DPP10: variants seen among roughly 807,000 people sequenced by gnomAD.
DPP10 encodes dipeptidyl peptidase like 10, also known as inactive dipeptidyl peptidase 10.
Under a neutral mutation model 120.9 loss-of-function variants are expected in DPP10, and 33 were observed. That is an observed-to-expected ratio of 0.27 (90% CI 0.21 to 0.37). The LOEUF (loss-of-function observed/expected upper bound fraction) is 0.37. Ranked by LOEUF, DPP10 falls within the 10% of genes least tolerant of loss-of-function variation. The pLI, the probability that DPP10 is intolerant of heterozygous loss-of-function variation, is 1.00. For missense variants in DPP10, 816 were observed against 942.8 expected (o/e 0.87, Z 1.76); for synonymous variants, 337 against 326.1 (o/e 1.03, Z -0.36).
intron 3 of DPP10, among the ~76,000 whole-genome samples, chr2:115,372,237 A>G (rs1203241378): frequency 6.6e-6 from 1 of 152,160 alleles, no homozygotes; most frequent in African/African-American, 2.4e-5. Flanking sequence ...AATACTTCAT[A>G]ATGAAGTAAG....
intron 1 of DPP10, among the ~76,000 whole-genome samples, chr2:114,537,325 A>AT (rs1353163066): frequency 6.6e-6 from 1 of 152,210 alleles, no homozygotes; most frequent in Non-Finnish European, 1.5e-5. Flanking sequence ...GATTACAGAG[A>AT]TAAAAAGCAG....
intron 1 of DPP10, among the ~76,000 whole-genome samples, chr2:114,599,666 C>T (rs968455582): frequency 1.3e-5 from 2 of 151,364 alleles, no homozygotes; most frequent in Admixed American, 6.6e-5. Context: ...TCTAGTTTTG[C>T]GCTATTTTGA....
intron 5 of DPP10, among the ~76,000 whole-genome samples, chr2:115,533,904 G>C (rs2078627942): frequency 6.6e-6 from 1 of 151,864 alleles, no homozygotes; most frequent in Admixed American, 6.6e-5. Context: ...TTAAAAATAA[G>C]TTAGTATCAA....
At chr2:115,245,608 TCCAGTAATCCCAATATTGGGTATCTAC>T (rs1356578611) in intron 1 of DPP10, among the ~76,000 whole-genome samples, 3 of 152,138 alleles carry the variant, frequency 2.0e-5, no homozygotes, top group Non-Finnish European at 4.4e-5. Context: ...TACCGTTTGA[TCCAGTAATCCCAATATTGGGTATCTAC>T]CCAGAAGAAA....
intron 1 of DPP10, among the ~76,000 whole-genome samples, chr2:114,679,262 G>A (rs2105694306): frequency 6.6e-6 from 1 of 152,068 alleles, no homozygotes. Flanking sequence ...ATACAAAAAA[G>A]CCTCTTGGCT....
intron 2 of DPP10, among the ~76,000 whole-genome samples, chr2:115,309,641 T>A (rs1052670534): frequency 2.6e-5 from 4 of 152,090 alleles, no homozygotes; most frequent in African/African-American, 9.7e-5. Flanking sequence ...TGTGTTAGTT[T>A]GATAAATGCA....
At chr2:115,672,503 A>G (rs2089949327) in intron 5 of DPP10, among the ~76,000 whole-genome samples, 1 of 152,148 alleles carries the variant, frequency 6.6e-6, no homozygotes, top group African/African-American at 2.4e-5. Context: ...TTATTTTCCT[A>G]CAGATAGCCT....
At chr2:115,220,686 GACTTGCCTAA>G (rs1179286531) in intron 1 of DPP10, among the ~76,000 whole-genome samples, 3 of 152,170 alleles carry the variant, frequency 2.0e-5, no homozygotes, top group Non-Finnish European at 2.9e-5. Flanking sequence ...GAAATTATTA[GACTTGCCTAA>G]ACTTGTAGTT....
At chr2:114,663,193 C>T (rs1048342898) in intron 1 of DPP10, among the ~76,000 whole-genome samples, 3 of 150,564 alleles carry the variant, frequency 2.0e-5, no homozygotes, top group Admixed American at 6.7e-5. Context: ...GTGTTTCCTG[C>T]GTAATCACTA....
At chr2:115,186,295 C>T (rs1448079116) in intron 1 of DPP10, among the ~76,000 whole-genome samples, 1 of 152,184 alleles carries the variant, frequency 6.6e-6, no homozygotes, top group Non-Finnish European at 1.5e-5. Flanking sequence ...ATTCTTTATG[C>T]TTGGGACAAT....
intron 3 of DPP10, among the ~76,000 whole-genome samples, chr2:115,365,559 T>C (rs2065030443): frequency 6.6e-6 from 1 of 152,102 alleles, no homozygotes; most frequent in Non-Finnish European, 1.5e-5. Context: ...TGGGATTCTT[T>C]ATATGAAAGT....
intron 1 of DPP10, among the ~76,000 whole-genome samples, chr2:114,603,265 A>T (rs1351415485): frequency 1.3e-5 from 2 of 152,120 alleles, no homozygotes; most frequent in Non-Finnish European, 2.9e-5. Context: ...TTCAATTTTC[A>T]TACGAAAAAA....
chr2:115,834,875 A>G (rs1315264226), intron 21 of DPP10, among the ~76,000 whole-genome samples: 1 of 152,094 alleles, frequency 6.6e-6, no homozygotes, highest in Admixed American at 6.5e-5. Context: ...TCACGAGGTC[A>G]GGAGATCGAG....
chr2:114,801,735 A>G (rs759759464), intron 1 of DPP10, among the ~76,000 whole-genome samples: 4 of 152,214 alleles, frequency 2.6e-5, no homozygotes, highest in Non-Finnish European at 5.9e-5. Context: ...TGCTCTGCCT[A>G]TGATAAGAAA....
chr2:114,832,260 G>A (rs1456510835), intron 1 of DPP10, among the ~76,000 whole-genome samples: 1 of 152,202 alleles, frequency 6.6e-6, no homozygotes, highest in Admixed American at 6.5e-5. Context: ...CTGGCCGGGG[G>A]TGGTGGCTCA....
chr2:114,947,208 C>T (rs535373555), intron 1 of DPP10, among the ~76,000 whole-genome samples: 20 of 152,054 alleles, frequency 1.3e-4, no homozygotes, highest in Non-Finnish European at 2.4e-4. Flanking sequence ...CAGCAACCTG[C>T]GTATCTGACC....
At chr2:115,152,188 T>G (rs2051602051) in intron 1 of DPP10, among the ~76,000 whole-genome samples, 1 of 152,262 alleles carries the variant, frequency 6.6e-6, no homozygotes. Flanking sequence ...TATTTTACAC[T>G]GTGTAGGCCA....
intron 3 of DPP10, among the ~76,000 whole-genome samples, chr2:115,407,646 A>G (rs1333913985): frequency 6.6e-6 from 1 of 151,928 alleles, no homozygotes; most frequent in Non-Finnish European, 1.5e-5. Flanking sequence ...GGGTGTGTAC[A>G]TGGAGAGGGA....
intron 1 of DPP10, among the ~76,000 whole-genome samples, chr2:115,043,005 A>G (rs1704782874): frequency 6.6e-6 from 1 of 152,216 alleles, no homozygotes. Flanking sequence ...CTGGATGAAG[A>G]GTGTTATCTG....
Sources: allele counts gnomAD v4.1 joint callset (sites outside exome capture counted in the v4.1 genomes callset), GRCh38; gene constraint gnomAD v4.1.1; transcripts MANE v1.5; gene names NCBI Gene and HGNC (gene_info 2026-07-23, HGNC 2026-07-21).